PRR12: variants seen among roughly 807,000 people sequenced by gnomAD.
PRR12 encodes proline rich 12.
Under a neutral mutation model 138.0 loss-of-function variants are expected in PRR12, and 12 were observed. The observed-to-expected ratio is 0.09, with a 90% CI of 0.06 to 0.14. The LOEUF (loss-of-function observed/expected upper bound fraction) is 0.14. Ranked by LOEUF, PRR12 falls within the 10% of genes least tolerant of loss-of-function variation. PRR12 has a pLI of 1.00. For missense variants in PRR12, 2,692 were observed against 2,861.3 expected (o/e 0.94, Z 1.35); for synonymous variants, 1,567 against 1,291.7 (o/e 1.21, Z -4.57).
At chr19:49,617,465 G>A (rs1050426973) in intron 9 of PRR12, among the ~76,000 whole-genome samples, 3 of 151,448 alleles carry the variant, frequency 2.0e-5, no homozygotes, top group Non-Finnish European at 4.4e-5. Flanking sequence ...CCGTCTCTAC[G>A]AACAAATTTT....
rs2080946986 is a variant in PRR12 at position 49,624,948 on chromosome 19, C to T, written c.5826C>T (p.Arg1942=). 8 of 1,596,446 alleles carry T rather than the reference C, an allele frequency of 5.0e-6. No homozygotes were observed. The highest frequency in any genetic ancestry group is 6.8e-6 in the Non-Finnish European group (8 of 1,170,172). ...RLRPAGEPYN[R]KTLSKLKRSV... The stretch of plus-strand genomic sequence containing the variant: ...GGCCTGCTGGGGAACCCTACAACCG[C>T]AAGACGCTCAGCAAGCTCAAGAGGA... Residue 1942 remains arginine, a synonymous_variant, in exon 12 of 14, where the codon CGC becomes CGT. Coordinates refer to ENST00000418929, the MANE Select transcript of PRR12 (RefSeq NM_020719.3).
At chr19:49,618,918 C>T (rs2080906312) in intron 9 of PRR12, among the ~76,000 whole-genome samples, 1 of 152,018 alleles carries the variant, frequency 6.6e-6, no homozygotes, top group South Asian at 2.1e-4. Flanking sequence ...CGCTTACACT[C>T]ACCCCTTCCC....
chr19:49,596,531 A>G lies in PRR12; in HGVS notation c.2196A>G (p.Pro732=), dbSNP rs1259662065. The G allele has an allele frequency of 6.2e-7, 1 of 1,609,148 alleles. No homozygotes were observed. The highest frequency in any genetic ancestry group is 8.5e-7 in the Non-Finnish European group (1 of 1,178,444). The change falls in exon 4 of 14, where the codon CCA becomes CCG. Residue 732 remains proline, a synonymous_variant. Transcript: ENST00000418929. The surrounding 1 kb of genome is among the most constrained non-coding windows in gnomAD (Gnocchi z 5.6). ...GGCTGAAGGAGAAGAAGAAAGGGCC[A>G]GAGCGGGGTGGCGAGACCCCCGAGG... is the stretch of plus-strand genomic sequence containing the variant. The part of the protein sequence containing the change: ...LGRLKEKKKG[P]ERGGETPEGL...
At position 49,615,793 on chromosome 19, in the gene PRR12, G is replaced by C. The variant is rs2080889136; in HGVS notation, c.5071G>C (p.Ala1691Pro). Reference protein sequence around the residue: ...KNPVSAGGSSAPPPKAPAPPP... With the variant: ...KNPVSAGGSSPPPPKAPAPPP... ...CCCCGTATCTGCTGGGGGTAGCTCT[G>C]CACCTCCCCCTAAGGCCCCAGCACC... Residue 1691 changes from alanine (A) to proline (P), a missense_variant, in exon 9 of 14, where the codon GCA becomes CCA. Around this residue, in one of 11 missense-constraint regions of PRR12, gnomAD observed 259 missense variants for 265.1 expected, o/e 0.98. Coordinates refer to ENST00000418929, the MANE Select transcript of PRR12 (RefSeq NM_020719.3). 3 of 1,612,852 alleles carry C rather than the reference G, an allele frequency of 1.9e-6. No homozygotes were observed. The highest frequency in any genetic ancestry group is 2.5e-6 in the Non-Finnish European group (3 of 1,179,484).
chr19:49,606,416 A>T (rs1038265111), intron 6 of PRR12, among the ~76,000 whole-genome samples: 2 of 149,804 alleles, frequency 1.3e-5, no homozygotes, highest in African/African-American at 4.9e-5. Flanking sequence ...CATTCAAGCG[A>T]TTCTTCTGCC....
chr19:49,617,185 T>C (rs971461612), intron 9 of PRR12, among the ~76,000 whole-genome samples: 1 of 149,186 alleles, frequency 6.7e-6, no homozygotes, highest in African/African-American at 2.5e-5. Flanking sequence ...CAAAAATAAA[T>C]ATATATTCAC....
intron 6 of PRR12, among the ~76,000 whole-genome samples, chr19:49,612,228 CAA>C (rs1170293912): frequency 6.2e-4 from 33 of 53,442 alleles, no homozygotes; most frequent in Non-Finnish European, 5.2e-4. Context: ...GACTCTGTCT[CAA>C]AAAAAAAAAA....
Position 49,614,616 on chromosome 19 carries a change from G to C in PRR12, c.4857G>C (p.Lys1619Asn). 6.4e-7 allele frequency: 1 copy of C among 1,564,622 alleles called. No homozygotes were observed. Reference sequence around the variant, plus strand: ...TGCAGAAATTCACTCCGGAGATCAAGGACGGCCAGAGGCAGTTTTGTGCCA... The same window carrying C: ...TGCAGAAATTCACTCCGGAGATCAACGACGGCCAGAGGCAGTTTTGTGCCA... ...ALLQKFTPEI[K>N]DGQRQFCATS... Residue 1619 changes from lysine to asparagine, a missense_variant, in exon 7 of 14, where the codon AAG (lysine) becomes AAC (asparagine). Lys to Asn is a moderately conservative substitution (Grantham distance 94). Transcript: ENST00000418929. The surrounding 1 kb of genome is among the most constrained non-coding windows in gnomAD (Gnocchi z 5.0).
intron 1 of PRR12, 70 bp from the exon 2 acceptor site, chr19:49,593,257 G>C: frequency 2.8e-6 from 2 of 719,094 alleles, no homozygotes; most frequent in Non-Finnish European, 2.3e-6. Flanking sequence ...AACTCCCCGG[G>C]GGGTTTTCTG....
intron 6 of PRR12, among the ~76,000 whole-genome samples, chr19:49,609,267 T>A (rs1025896162): frequency 6.6e-6 from 1 of 152,124 alleles, no homozygotes; most frequent in African/African-American, 2.4e-5. Flanking sequence ...ATTGCTCGAT[T>A]GCACTCCCAC....
At chr19:49,603,017 C>G (rs1255467893) in intron 6 of PRR12, among the ~76,000 whole-genome samples, 3 of 152,264 alleles carry the variant, frequency 2.0e-5, no homozygotes, top group Non-Finnish European at 4.4e-5. Flanking sequence ...TGGCACACAA[C>G]CATGCCCATT....
At chr19:49,618,680 C>T (rs7260118) in intron 9 of PRR12, among the ~76,000 whole-genome samples, 238 of 152,232 alleles carry the variant, frequency 1.6e-3, no homozygotes, top group African/African-American at 5.3e-3. Flanking sequence ...TGAGCCACTG[C>T]ACCCGGCCTT....
Position 49,597,500 on chromosome 19 carries a change from C to G in PRR12, c.3165C>G (p.Pro1055=), listed in dbSNP as rs370028881. The G allele has an allele frequency of 6.4e-7, 1 of 1,552,196 alleles. No individual in the cohort carries two copies. Among genetic ancestry groups the G allele is most frequent in the Admixed American group, 2.0e-5 (1 of 51,190 alleles). The change falls in exon 4 of 14, where the codon CCC becomes CCG. Residue 1055 remains proline, a synonymous_variant. Coordinates refer to ENST00000418929, the MANE Select transcript of PRR12 (RefSeq NM_020719.3). The surrounding 1 kb of genome is among the most constrained non-coding windows in gnomAD (Gnocchi z 6.3). ...CGCCTCCCGCGCCGGCCTCCGAACC[C>G]AAGGGTGGCCTCACCTCGCCCATCT... ...PPPPPAPASE[P]KGGLTSPIFC... is the part of the protein sequence containing the mutation.
chr19:49,597,936 C>G lies in PRR12; in HGVS notation c.3601C>G (p.Arg1201Gly), dbSNP rs1311664456. The G allele has an allele frequency of 7.1e-7, 1 of 1,401,980 alleles. No homozygotes were observed. Among genetic ancestry groups the G allele is most frequent in the Non-Finnish European group, 9.2e-7 (1 of 1,081,748 alleles). The allele number at this position is 1,401,980 out of a possible 1,614,324, so 86.8% of individuals were successfully genotyped here. The stretch of plus-strand genomic sequence containing the variant: ...GCCCACCGATGGCGCCAAGAAACCC[C>G]GGGGCCGGGGCCGAGGCCGGGGTCG... ...STPTDGAKKP[R>G]GRGRGRGRKA... The change falls in exon 4 of 14, where the codon CGG (arginine) becomes GGG (glycine). Residue 1201 changes from arginine (R) to glycine (G), a missense_variant. Arg to Gly is a moderately radical substitution (Grantham distance 125). Transcript: ENST00000418929. This position sits in a 1 kb window ranked among gnomAD's most constrained non-coding sequence, Gnocchi z 6.3.
rs1270574796 is a variant in PRR12, at chr19:49,595,483, T to C, written c.1148T>C (p.Ile383Thr). ...AGGGGGGYRP[I>T]IQSPGYKTGK... ...GGTGGTGGTGGAGGTTACCGCCCCA[T>C]CATTCAGTCGCCTGGGTACAAGACG... Residue 383 changes from isoleucine to threonine, a missense_variant, in exon 4 of 14, where the codon ATC becomes ACC. Ile to Thr is a moderately conservative substitution (Grantham distance 89). Around this residue, in one of 11 missense-constraint regions of PRR12, gnomAD observed 523 missense variants for 496.4 expected, o/e 1.05. Coordinates refer to ENST00000418929, the MANE Select transcript of PRR12 (RefSeq NM_020719.3). The C allele has an allele frequency of 1.9e-6, 3 of 1,553,486 alleles. No individual in the cohort carries two copies. Among genetic ancestry groups the C allele is most frequent in the Non-Finnish European group, 2.6e-6 (3 of 1,149,426 alleles).
At position 49,591,605 on chromosome 19, in the gene PRR12, T is replaced by TCCCCCCCCCCCCCCCCCC; in HGVS notation, c.-47_-46insCCCCCCCCCCCCCCCCCC. ...CGGAGGAGAGCGCGCGCGCGCCCCC[T>TCCCCCCCCCCCCCCCCCC]CCCTCCCTCCCTCCCTCCCCCTCCC... On this transcript the variant is annotated 5_prime_UTR_variant, in exon 1 of 14. Transcript: ENST00000418929. The TCCCCCCCCCCCCCCCCCC allele has an allele frequency of 7.8e-6, 1 of 127,726 alleles. No individual in the cohort carries two copies. Among genetic ancestry groups the TCCCCCCCCCCCCCCCCCC allele is most frequent in the South Asian group, 9.3e-5 (1 of 10,790 alleles). The allele number at this position is 127,726 out of a possible 1,614,324, so 7.9% of individuals were successfully genotyped here.
Position 49,596,587 on chromosome 19 carries a change from C to T in PRR12, c.2252C>T (p.Ala751Val), listed in dbSNP as rs1176793559. 1 of 1,595,694 alleles carries T rather than the reference C, an allele frequency of 6.3e-7. No homozygotes were observed. The highest frequency in any genetic ancestry group is 8.5e-7 in the Non-Finnish European group (1 of 1,171,894). ...GLATSVVHYGAGAKELGAFLQ... is the reference protein window; with the variant it reads ...GLATSVVHYGVGAKELGAFLQ... ...GCCACCTCTGTTGTCCACTACGGGG[C>T]AGGCGCCAAGGAGCTGGGGGCCTTC... Residue 751 changes from alanine to valine, a missense_variant, in exon 4 of 14, where the codon GCA becomes GTA. Ala to Val is a moderately conservative substitution (Grantham distance 64). Transcript: ENST00000418929. This position sits in a 1 kb window ranked among gnomAD's most constrained non-coding sequence, Gnocchi z 5.6.
At position 49,591,596 on chromosome 19, in the gene PRR12, C is replaced by T. The variant is rs1321337169; in HGVS notation, c.-59C>T. 6.7e-6 allele frequency: 3 copies of T among 450,782 alleles called. No homozygotes were observed. Among genetic ancestry groups the T allele is most frequent in the East Asian group, 8.0e-5 (2 of 24,938 alleles). The allele number at this position is 450,782 out of a possible 1,614,324, so 27.9% of individuals were successfully genotyped here. A position where few individuals can be genotyped will look rare whatever the true frequency, so the allele number is the denominator to read the frequency against. On this transcript the variant is annotated 5_prime_UTR_variant, in exon 1 of 14. Transcript: ENST00000418929. ...GAGCGGCGGCGGAGGAGAGCGCGCG[C>T]GCGCCCCCTCCCTCCCTCCCTCCCT... is the stretch of plus-strand genomic sequence containing the variant.
Position 49,596,642 on chromosome 19 carries a change from C to T in PRR12, c.2307C>T (p.Pro769=). The part of the protein sequence containing the change: ...FLQKSPPPPP[P]TAQSTQPTPH... ...AAAAGAGCCCTCCGCCCCCACCTCC[C>T]ACGGCCCAGTCTACCCAGCCCACTC... Residue 769 remains proline, a synonymous_variant, in exon 4 of 14, where the codon CCC becomes CCT. Coordinates refer to ENST00000418929, the MANE Select transcript of PRR12 (RefSeq NM_020719.3). The surrounding 1 kb of genome is among the most constrained non-coding windows in gnomAD (Gnocchi z 5.6). The T allele has an allele frequency of 6.3e-7, 1 of 1,598,010 alleles. No individual in the cohort carries two copies. Among genetic ancestry groups the T allele is most frequent in the Non-Finnish European group, 8.5e-7 (1 of 1,173,368 alleles).
Sources: gnomAD v4.1 joint callset for allele counts (sites outside exome capture counted in the v4.1 genomes callset) on GRCh38, gnomAD v4.1.1 for gene constraint, gnomAD v4.1.1 regional missense constraint, Gnocchi (gnomAD v3.1) non-coding constraint, MANE v1.5 for transcripts, NCBI Gene and HGNC (gene_info 2026-07-23, HGNC 2026-07-21) for gene names.